The following FLT3 variants were observed in gnomAD, a reference collection of about 807,000 sequenced individuals.
FLT3 encodes fms related receptor tyrosine kinase 3.
In FLT3, 46 loss-of-function variants were observed where a neutral mutation model predicts 126.6. That is an observed-to-expected ratio of 0.36 (90% CI 0.29 to 0.46). The LOEUF is 0.46. FLT3 is among the 20% of genes least tolerant of loss of function. FLT3 has a pLI of 1.00. For missense variants in FLT3, 1,069 were observed against 1,190.3 expected, an observed-to-expected ratio of 0.90 and a Z score of 1.50; for synonymous variants, 404 against 434.4, an observed-to-expected ratio of 0.93 and a Z score of 0.87.
chr13:28,097,566 T>C (rs1339759763), intron 1 of FLT3, among the ~76,000 whole-genome samples: 1 of 152,176 alleles, frequency 6.6e-6, no homozygotes, highest in Non-Finnish European at 1.5e-5. Flanking sequence ...GATAATTTAC[T>C]ATAGATAGAC....
chr13:28,087,658 A>C (rs1316795497), intron 1 of FLT3, among the ~76,000 whole-genome samples: 1 of 152,098 alleles, frequency 6.6e-6, no homozygotes, highest in African/African-American at 2.4e-5. Flanking sequence ...CTCTAATTAC[A>C]TGTATATCTG....
At chr13:28,025,273 C>G (rs977959463) in intron 17 of FLT3, 2 of 401,112 alleles carry the variant, frequency 5.0e-6, no homozygotes, top group Non-Finnish European at 4.7e-6. Context: ...TCGAGTGGAA[C>G]CAGGACTCAC....
chr13:28,013,349 C>T (rs1248130285), intron 23 of FLT3, among the ~76,000 whole-genome samples: 1 of 152,230 alleles, frequency 6.6e-6, no homozygotes, highest in African/African-American at 2.4e-5. Context: ...TAACTCTTCT[C>T]ACATACATCA....
chr13:28,023,505 T>C, intron 18 of FLT3, 28 bp from the exon 19 acceptor site: 2 of 1,609,982 alleles, frequency 1.2e-6, no homozygotes, highest in Admixed American at 1.7e-5. Flanking sequence ...TCTTCACTTT[T>C]GCCAAAACTC....
chr13:28,034,184 C>T lies in FLT3; in HGVS notation c.1735G>A (p.Val579Ile), dbSNP rs1218475798. The stretch of plus-strand genomic sequence containing the variant: ...TTATCTGAGGAGCCGGTCACCTGTA[C>T]CATCTGTAGCTGGCTTTCATACCTA... ...QFRYESQLQM[V>I]QVTGSSDNEY... is the part of the protein sequence containing the mutation. Residue 579 changes from valine to isoleucine, a missense_variant, in exon 14 of 24, where the codon GTA (valine) becomes ATA (isoleucine). Coordinates refer to ENST00000241453, the MANE Select transcript of FLT3 (RefSeq NM_004119.3). 13 of 1,613,994 alleles carry T rather than the reference C, an allele frequency of 8.1e-6. No individual in the cohort carries two copies. The highest frequency in any genetic ancestry group is 1.1e-5 in the Non-Finnish European group (13 of 1,179,920).
chr13:28,022,312 G>C (rs1296570685), intron 19 of FLT3, among the ~76,000 whole-genome samples: 1 of 152,076 alleles, frequency 6.6e-6, no homozygotes, highest in Non-Finnish European at 1.5e-5. Flanking sequence ...AGGATTTCAA[G>C]ACCAGCCTGG....
At chr13:28,036,831 T>C (rs1451310384) in intron 10 of FLT3, among the ~76,000 whole-genome samples, 1 of 152,110 alleles carries the variant, frequency 6.6e-6, no homozygotes, top group Non-Finnish European at 1.5e-5. Flanking sequence ...GGTTTTAAAA[T>C]TAGCTGAGCA....
Position 28,034,227 on chromosome 13 carries a change from AATG to A in FLT3, c.1705-16_1705-14del. On this transcript the variant is annotated splice_polypyrimidine_tract_variant and intron_variant, in intron 13 of 23. Coordinates refer to ENST00000241453, the MANE Select transcript of FLT3 (RefSeq NM_004119.3). Reference sequence around the variant, plus strand: ...CATACCTAAATTGCTTCAGAGATGAAATGATGAGTCAGTTAGGAATAGGCAGTT... The same window carrying A: ...CATACCTAAATTGCTTCAGAGATGAAATGAGTCAGTTAGGAATAGGCAGTT... The A allele has an allele frequency of 1.9e-6, 3 of 1,613,984 alleles. No homozygotes were observed. Among genetic ancestry groups the A allele is most frequent in the Non-Finnish European group, 2.5e-6 (3 of 1,179,954 alleles).
At chr13:28,069,494 T>C (rs1877313441) in intron 2 of FLT3, among the ~76,000 whole-genome samples, 1 of 151,954 alleles carries the variant, frequency 6.6e-6, no homozygotes, top group Non-Finnish European at 1.5e-5. Context: ...GATGTGCAAA[T>C]GGAAAATCTA....
In FLT3 at chr13:28,018,468, T is replaced by G. The variant is rs1872083010; in HGVS notation, c.2540A>C (p.Asn847Thr). The change falls in exon 20 of 24, where the codon AAT becomes ACT. Residue 847 changes from asparagine to threonine, a missense_variant and splice_region_variant. Coordinates refer to ENST00000241453, the MANE Select transcript of FLT3 (RefSeq NM_004119.3). ...ATAAGTAGGAAATAGCAGCCTCACA[T>G]TGCCCCTGACAACATAGTTGGAATC... ...MSDSNYVVRGNARLPVKWMAP... is the reference protein window; with the variant it reads ...MSDSNYVVRGTARLPVKWMAP... 2 of 1,614,000 alleles carry G rather than the reference T, an allele frequency of 1.2e-6. No individual in the cohort carries two copies. The highest frequency in any genetic ancestry group is 8.5e-7 in the Non-Finnish European group (1 of 1,179,908).
At chr13:28,012,665 T>G (rs1419292673) in intron 23 of FLT3, among the ~76,000 whole-genome samples, 1 of 152,184 alleles carries the variant, frequency 6.6e-6, no homozygotes, top group Non-Finnish European at 1.5e-5. Context: ...CCAGGCGTGG[T>G]GGCTCATGCC....
chr13:28,082,998 G>A (rs187060243), intron 1 of FLT3, among the ~76,000 whole-genome samples: 9 of 151,370 alleles, frequency 5.9e-5, no homozygotes, highest in South Asian at 2.1e-4. Flanking sequence ...GAGCCACCGC[G>A]CCTGGCCAAT....
intron 4 of FLT3, among the ~76,000 whole-genome samples, chr13:28,054,436 T>C (rs1182327003): frequency 6.8e-6 from 1 of 147,768 alleles, no homozygotes; most frequent in Non-Finnish European, 1.5e-5. Context: ...AGGAAAAGAA[T>C]AAAGGCCGGG....
At chr13:28,076,579 C>G (rs1483899528) in intron 1 of FLT3, among the ~76,000 whole-genome samples, 3 of 152,182 alleles carry the variant, frequency 2.0e-5, no homozygotes, top group African/African-American at 7.2e-5. Context: ...AGCCAAAGAA[C>G]CTGGAGTCTG....
At chr13:28,089,297 T>C (rs768029305) in intron 1 of FLT3, among the ~76,000 whole-genome samples, 4 of 152,180 alleles carry the variant, frequency 2.6e-5, no homozygotes, top group Non-Finnish European at 4.4e-5. Context: ...AGTTTGGCAG[T>C]TTCTCATGAG....
At chr13:28,016,046 T>C (rs1294898174) in intron 20 of FLT3, among the ~76,000 whole-genome samples, 2 of 152,106 alleles carry the variant, frequency 1.3e-5, no homozygotes, top group African/African-American at 4.8e-5. Context: ...ATTAGTGAGA[T>C]CTTCTGTTAC....
At chr13:28,034,937 T>C in intron 12 of FLT3, among the ~76,000 whole-genome samples, 1 of 74,672 alleles carries the variant, frequency 1.3e-5, no homozygotes, top group African/African-American at 4.7e-5. Flanking sequence ...AGAGCGAGTC[T>C]CCATCTCAAA....
chr13:28,064,607 G>A (rs1355199684), intron 2 of FLT3, among the ~76,000 whole-genome samples: 3 of 152,088 alleles, frequency 2.0e-5, no homozygotes, highest in Non-Finnish European at 4.4e-5. Context: ...TCAAGCATAT[G>A]AGAAAATATT....
intron 1 of FLT3, among the ~76,000 whole-genome samples, chr13:28,084,836 G>A (rs940478660): frequency 5.9e-5 from 9 of 151,920 alleles, no homozygotes; most frequent in Middle Eastern, 3.4e-3. Context: ...TTAGCCGGGC[G>A]TGGTGGCGGG....
Sources: gnomAD v4.1 joint callset for allele counts (sites outside exome capture counted in the v4.1 genomes callset) on GRCh38, gnomAD v4.1.1 for gene constraint, MANE v1.5 for transcripts, NCBI Gene and HGNC (gene_info 2026-07-23, HGNC 2026-07-21) for gene names.